The following FABP12 variants were observed in gnomAD, a reference collection of about 807,000 sequenced individuals.
FABP12 encodes the protein fatty acid-binding protein 12.
FABP12 carries 19 observed loss-of-function variants against 13.7 expected under a neutral mutation model. The ratio of observed to expected loss-of-function variants is 1.39; its 90% CI spans 0.97 to 2.04. The LOEUF is 2.04. Among genes scored for constraint, FABP12 ranks in the 30% most tolerant of loss-of-function variants. The pLI is 0.00. For synonymous variants in FABP12, 61 were observed against 57.0 expected, an observed-to-expected ratio of 1.07 and a Z score of -0.32; for missense variants, 182 against 164.2, an observed-to-expected ratio of 1.11 and a Z score of -0.59.
Position 81,579,286 on chromosome 8 carries a change from T to C in FABP12, c.-185+10767A>G, listed in dbSNP as rs187914222. On this transcript the variant is annotated intron_variant, in intron 1 of 5. Transcript: ENST00000692030. ...AGTTGACTCATGGCTTTAATTTTAC[T>C]GTTTTCAGATTTCTCCGACAGCAAT... 2.1e-3 allele frequency among the ~76,000 whole-genome samples: 320 copies of C among 152,258 alleles called. 1 individual carries two copies. Among genetic ancestry groups the C allele is most frequent in the African/African-American group, 7.1e-3 (297 of 41,558 alleles).
intron 1 of FABP12, among the ~76,000 whole-genome samples, chr8:81,558,747 G>A (rs766805917): frequency 3.9e-5 from 6 of 151,966 alleles, no homozygotes; most frequent in South Asian, 2.1e-4. Context: ...AAAATTATCC[G>A]GGCATGGTGG....
intron 1 of FABP12, among the ~76,000 whole-genome samples, chr8:81,551,585 T>C (rs1477356496): frequency 6.6e-6 from 1 of 152,200 alleles, no homozygotes; most frequent in Admixed American, 6.5e-5. Context: ...ATCTAAAGAC[T>C]GAATCTTGTG....
At chr8:81,587,913 C>T (rs968449301) in intron 1 of FABP12, among the ~76,000 whole-genome samples, 5 of 152,044 alleles carry the variant, frequency 3.3e-5, no homozygotes, top group South Asian at 2.1e-4. Flanking sequence ...GTAGGGAAGC[C>T]GACAGTGCAG....
intron 1 of FABP12, among the ~76,000 whole-genome samples, chr8:81,550,925 A>G (rs1809513791): frequency 6.6e-6 from 1 of 152,174 alleles, no homozygotes; most frequent in South Asian, 2.1e-4. Flanking sequence ...TACTTTTCTT[A>G]TTTGTATGGC....
At chr8:81,587,662 C>T (rs757859337) in intron 1 of FABP12, among the ~76,000 whole-genome samples, 5 of 151,922 alleles carry the variant, frequency 3.3e-5, no homozygotes, top group Non-Finnish European at 5.9e-5. Context: ...TATAGAAATG[C>T]TACTAATTTT....
At chr8:81,557,372 A>G (rs1809637878) in intron 1 of FABP12, among the ~76,000 whole-genome samples, 1 of 152,164 alleles carries the variant, frequency 6.6e-6, no homozygotes, top group Non-Finnish European at 1.5e-5. Context: ...CCCTTTAAGT[A>G]TTTGTTATTT....
At chr8:81,579,772 T>C (rs1810125293) in intron 1 of FABP12, among the ~76,000 whole-genome samples, 1 of 152,238 alleles carries the variant, frequency 6.6e-6, no homozygotes, top group Non-Finnish European at 1.5e-5. Flanking sequence ...AGATGCTTCT[T>C]TGATGATGTA....
chr8:81,544,971 G>A (rs1293159665), intron 1 of FABP12, among the ~76,000 whole-genome samples: 1 of 152,212 alleles, frequency 6.6e-6, no homozygotes, highest in Non-Finnish European at 1.5e-5. Context: ...ATGGCCAATG[G>A]CGTAGAGGCC....
chr8:81,531,411 G>A (rs1809072523), intron 1 of FABP12, 21 bp from the exon 2 acceptor site: 2 of 770,522 alleles, frequency 2.6e-6, no homozygotes, highest in East Asian at 2.8e-5. Flanking sequence ...ATACAATTTT[G>A]GGTAGAGAAT....
intron 1 of FABP12, among the ~76,000 whole-genome samples, chr8:81,554,903 C>A (rs1160143006): frequency 6.6e-6 from 1 of 152,016 alleles, no homozygotes; most frequent in Non-Finnish European, 1.5e-5. Context: ...CGTGTGTGGC[C>A]CAGGTGGGCC....
intron 3 of FABP12, 28 bp from the exon 4 acceptor site, chr8:81,527,149 A>C: frequency 7.6e-7 from 1 of 1,319,320 alleles, no homozygotes; most frequent in Non-Finnish European, 1.1e-6. Flanking sequence ...CTAAATTCAG[A>C]TCAGCTTGTC....
chr8:81,541,659 G>C (rs1809346043), intron 1 of FABP12, among the ~76,000 whole-genome samples: 1 of 152,002 alleles, frequency 6.6e-6, no homozygotes, highest in Non-Finnish European at 1.5e-5. Context: ...CCTGCTACCT[G>C]CCAAAGGCTT....
At chr8:81,525,223 A>G (rs1808862798) in intron 4 of FABP12, 103 bp from the exon 5 acceptor site, 1 of 787,706 alleles carries the variant, frequency 1.3e-6, no homozygotes, top group African/African-American at 1.8e-5. Context: ...CCTTAAAAAT[A>G]TTGAAAGAGA....
chr8:81,526,704 G>T (rs1043534660), intron 4 of FABP12, among the ~76,000 whole-genome samples: 4 of 152,134 alleles, frequency 2.6e-5, no homozygotes, highest in Non-Finnish European at 4.4e-5. Flanking sequence ...TAATCCTGGA[G>T]TGGAGTAGAG....
At chr8:81,579,311 T>G (rs932882600) in intron 1 of FABP12, among the ~76,000 whole-genome samples, 1 of 152,012 alleles carries the variant, frequency 6.6e-6, no homozygotes, top group Non-Finnish European at 1.5e-5. Flanking sequence ...CCGACAGCAA[T>G]GAATAAAACA....
intron 1 of FABP12, among the ~76,000 whole-genome samples, chr8:81,547,813 G>A (rs1284671434): frequency 1.3e-5 from 2 of 152,296 alleles, no homozygotes; most frequent in South Asian, 4.2e-4. Context: ...ATCAGCATCT[G>A]CTATGTGACA....
At chr8:81,546,747 C>T (rs1210636669) in intron 1 of FABP12, among the ~76,000 whole-genome samples, 2 of 152,162 alleles carry the variant, frequency 1.3e-5, no homozygotes, top group African/African-American at 2.4e-5. Context: ...TTTCCTGTGT[C>T]GTTTTTTTCA....
intron 1 of FABP12, among the ~76,000 whole-genome samples, chr8:81,573,672 T>A (rs1195951692): frequency 2.0e-5 from 3 of 152,100 alleles, no homozygotes; most frequent in Non-Finnish European, 2.9e-5. Flanking sequence ...ATTCCTTGGT[T>A]AGGTATATTC....
chr8:81,527,053 T>A, exon 4 of FABP12: 1 of 1,611,508 alleles, frequency 6.2e-7, no homozygotes. Context: ...GCTTTCTCGT[T>A]ATGGTGGTTT....
Sources: gnomAD v4.1 joint callset for allele counts (sites outside exome capture counted in the v4.1 genomes callset) on GRCh38, gnomAD v4.1.1 for gene constraint, MANE v1.5 for transcripts, NCBI Gene and HGNC (gene_info 2026-07-23, HGNC 2026-07-21) for gene names.